The following DLGAP2 variants were observed in gnomAD, a reference collection of about 807,000 sequenced individuals.
DLGAP2 encodes DLG associated protein 2.
In DLGAP2, 26 loss-of-function variants were observed where a neutral mutation model predicts 100.3. The observed-to-expected ratio is 0.26, with a 90% CI of 0.19 to 0.36. The LOEUF (loss-of-function observed/expected upper bound fraction) is 0.36. Among genes scored for constraint, DLGAP2 ranks in the 10% least tolerant of loss-of-function variants. The probability of loss-of-function intolerance (pLI) is 1.00; values close to 1 mark genes in which losing one functional copy is unlikely to be tolerated. For missense variants in DLGAP2, 1,858 were observed against 1,453.2 expected (o/e 1.28, Z -4.53); for synonymous variants, 886 against 630.1 (o/e 1.41, Z -6.08).
intron 2 of DLGAP2, among the ~76,000 whole-genome samples, chr8:1,020,557 G>A (rs897289492): frequency 2.6e-5 from 4 of 152,222 alleles, no homozygotes; most frequent in Non-Finnish European, 4.4e-5. Context: ...GAGCACATCA[G>A]GGCATGTCTG....
At chr8:1,095,007 C>T (rs1173612352) in intron 2 of DLGAP2, among the ~76,000 whole-genome samples, 4 of 152,176 alleles carry the variant, frequency 2.6e-5, no homozygotes, top group Non-Finnish European at 5.9e-5. Flanking sequence ...TCCAGGTGGA[C>T]CACCTTCCCA....
intron 1 of DLGAP2, among the ~76,000 whole-genome samples, chr8:773,179 G>T (rs1316745947): frequency 6.6e-6 from 1 of 152,150 alleles, no homozygotes. Context: ...CGTCAGCAGG[G>T]CTGGTTTCTG....
chr8:1,612,521 C>A (rs1210362069), intron 6 of DLGAP2, among the ~76,000 whole-genome samples: 1 of 142,596 alleles, frequency 7.0e-6, no homozygotes, highest in Non-Finnish European at 1.5e-5. Flanking sequence ...CAATGGCAAC[C>A]AAAGCCAAAA....
chr8:826,691 C>G (rs760875808), intron 1 of DLGAP2, among the ~76,000 whole-genome samples: 2 of 151,994 alleles, frequency 1.3e-5, no homozygotes, highest in South Asian at 4.2e-4. Context: ...CTTCTCTGCC[C>G]GTCTGTGCTT....
intron 6 of DLGAP2, among the ~76,000 whole-genome samples, chr8:1,598,543 C>A (rs1354524122): frequency 6.6e-6 from 1 of 152,148 alleles, no homozygotes; most frequent in African/African-American, 2.4e-5. Context: ...AATTTCAGAA[C>A]TTGTTATTGG....
intron 3 of DLGAP2, among the ~76,000 whole-genome samples, chr8:1,465,980 G>C (rs1240074515): frequency 1.3e-5 from 2 of 152,206 alleles, no homozygotes; most frequent in African/African-American, 2.4e-5. Flanking sequence ...AGGTCAGAGA[G>C]AGACTCCCAA....
At chr8:1,449,451 T>A (rs1798075769) in intron 3 of DLGAP2, among the ~76,000 whole-genome samples, 1 of 151,934 alleles carries the variant, frequency 6.6e-6, no homozygotes, top group Non-Finnish European at 1.5e-5. Context: ...GCTCAGCGTT[T>A]TGGGAAGAGC....
intron 6 of DLGAP2, among the ~76,000 whole-genome samples, chr8:1,574,386 C>G (rs1370273076): frequency 6.6e-6 from 1 of 152,108 alleles, no homozygotes; most frequent in Non-Finnish European, 1.5e-5. Flanking sequence ...GAAGCCAACA[C>G]CATGACCCAA....
chr8:1,435,339 C>G (rs1335756153), intron 3 of DLGAP2, among the ~76,000 whole-genome samples: 2 of 152,190 alleles, frequency 1.3e-5, no homozygotes, highest in African/African-American at 2.4e-5. Flanking sequence ...GGCGCTTTGA[C>G]TACATCACGC....
intron 6 of DLGAP2, among the ~76,000 whole-genome samples, chr8:1,618,888 T>G (rs1197848117): frequency 1.3e-5 from 2 of 152,130 alleles, no homozygotes; most frequent in African/African-American, 4.8e-5. Context: ...AGTAGCACCC[T>G]CCTCTAAATT....
At chr8:1,499,710 A>T (rs527339622) in intron 3 of DLGAP2, among the ~76,000 whole-genome samples, 10 of 152,188 alleles carry the variant, frequency 6.6e-5, no homozygotes, top group African/African-American at 1.4e-4. Flanking sequence ...TTTCTTATAC[A>T]TGTGTGTTTT....
At chr8:829,577 G>C (rs918628537) in intron 1 of DLGAP2, among the ~76,000 whole-genome samples, 3 of 152,064 alleles carry the variant, frequency 2.0e-5, no homozygotes, top group African/African-American at 4.8e-5. Flanking sequence ...TCAGAGCTTT[G>C]CTTCTAGAAA....
At chr8:1,063,934 A>G (rs1392320758) in intron 2 of DLGAP2, among the ~76,000 whole-genome samples, 7 of 152,180 alleles carry the variant, frequency 4.6e-5, no homozygotes, top group African/African-American at 1.2e-4. Context: ...CTTGCTGTTT[A>G]GCAACAAGTG....
intron 1 of DLGAP2, among the ~76,000 whole-genome samples, chr8:863,448 C>T (rs1258493796): frequency 6.6e-6 from 1 of 152,174 alleles, no homozygotes; most frequent in Non-Finnish European, 1.5e-5. Context: ...AGATACAGCA[C>T]CTTGTTGTGT....
intron 2 of DLGAP2, among the ~76,000 whole-genome samples, chr8:1,056,339 G>A (rs1284387795): frequency 3.3e-5 from 5 of 152,128 alleles, no homozygotes; most frequent in Non-Finnish European, 1.5e-5. Context: ...GTGGTGGAGG[G>A]TGGAATTCCT....
At chr8:1,058,298 T>G (rs1334918623) in intron 2 of DLGAP2, among the ~76,000 whole-genome samples, 2 of 152,216 alleles carry the variant, frequency 1.3e-5, no homozygotes, top group African/African-American at 4.8e-5. Flanking sequence ...ATCACTCACT[T>G]GGCACTGAGA....
At chr8:1,451,753 A>G (rs1798165934) in intron 3 of DLGAP2, among the ~76,000 whole-genome samples, 1 of 152,110 alleles carries the variant, frequency 6.6e-6, no homozygotes, top group African/African-American at 2.4e-5. Context: ...AGCTCCCTCC[A>G]CAGTAACGAC....
At chr8:1,667,577 TC>T (rs1367190161) in intron 8 of DLGAP2, among the ~76,000 whole-genome samples, 2 of 152,324 alleles carry the variant, frequency 1.3e-5, no homozygotes, top group African/African-American at 4.8e-5. Context: ...CAGTAGCTAT[TC>T]GTTATAATGA....
At chr8:1,492,659 C>T (rs971241595) in intron 3 of DLGAP2, among the ~76,000 whole-genome samples, 1 of 152,236 alleles carries the variant, frequency 6.6e-6, no homozygotes, top group Non-Finnish European at 1.5e-5. Flanking sequence ...CGTGACCTGA[C>T]CCCTCCTCAC....
Sources: allele counts gnomAD v4.1 joint callset (sites outside exome capture counted in the v4.1 genomes callset), GRCh38; gene constraint gnomAD v4.1.1; transcripts MANE v1.5; gene names NCBI Gene and HGNC (gene_info 2026-07-23, HGNC 2026-07-21).